TMEM131: variants seen among roughly 807,000 people sequenced by gnomAD.
TMEM131 encodes 2610524E03Rik.
TMEM131 carries 66 observed loss-of-function variants against 211.6 expected under a neutral mutation model. That is an observed-to-expected ratio of 0.31 (90% CI 0.26 to 0.38). TMEM131 has a LOEUF of 0.38. Ranked by LOEUF, TMEM131 falls within the 10% of genes least tolerant of loss-of-function variation. TMEM131 has a pLI of 1.00. For missense variants in TMEM131, 2,036 were observed against 2,299.3 expected, an observed-to-expected ratio of 0.89 and a Z score of 2.34; for synonymous variants, 844 against 841.3, an observed-to-expected ratio of 1.00 and a Z score of -0.06.
intron 1 of TMEM131, among the ~76,000 whole-genome samples, chr2:97,972,165 C>T (rs1679325871): frequency 6.6e-6 from 1 of 152,038 alleles, no homozygotes; most frequent in African/African-American, 2.4e-5. Flanking sequence ...CCGAGATCTG[C>T]CATTTCAGAA....
chr2:97,968,777 C>G (rs1679166290), intron 1 of TMEM131, among the ~76,000 whole-genome samples: 1 of 152,118 alleles, frequency 6.6e-6, no homozygotes, highest in African/African-American at 2.4e-5. Context: ...TAAGGCACAT[C>G]CTTCCCATCA....
intron 1 of TMEM131, among the ~76,000 whole-genome samples, chr2:97,963,714 C>G (rs1359866047): frequency 6.6e-6 from 1 of 152,158 alleles, no homozygotes; most frequent in Non-Finnish European, 1.5e-5. Context: ...AAAACTCCAT[C>G]TCAAAAAATA....
chr2:97,849,675 G>GTA (rs1396933578), intron 5 of TMEM131, among the ~76,000 whole-genome samples: 4 of 140,720 alleles, frequency 2.8e-5, no homozygotes, highest in East Asian at 2.1e-4. Flanking sequence ...GTGTGTCTAT[G>GTA]TATATATATG....
chr2:97,929,958 T>C (rs1299194341), intron 1 of TMEM131, among the ~76,000 whole-genome samples: 1 of 151,782 alleles, frequency 6.6e-6, no homozygotes, highest in East Asian at 1.9e-4. Flanking sequence ...AGTAAAGTGA[T>C]AAACTCATTA....
intron 4 of TMEM131, among the ~76,000 whole-genome samples, chr2:97,869,557 A>ACAT (rs1674408256): frequency 6.6e-6 from 1 of 152,232 alleles, no homozygotes. Context: ...GTCAGGAAGG[A>ACAT]CATCAGCAGG....
chr2:97,980,196 T>C lies in TMEM131; in HGVS notation c.187+15280A>G, dbSNP rs1679725128. On this transcript the variant is annotated intron_variant, in intron 1 of 40. Transcript: ENST00000186436. ...CAGATTACCATTACAGATTTAATAC[T>C]GAAAAAGCCTGAAATATTGTGAGAC... 2.6e-5 allele frequency among the ~76,000 whole-genome samples: 4 copies of C among 152,240 alleles called. No individual in the cohort carries two copies. The Middle Eastern group carries it at 0.01, about 391-fold the overall frequency.
chr2:97,878,331 C>T (rs957236452), intron 4 of TMEM131, among the ~76,000 whole-genome samples: 2 of 152,126 alleles, frequency 1.3e-5, no homozygotes, highest in African/African-American at 4.8e-5. Flanking sequence ...ACCATTTGAC[C>T]CAGCAATCTC....
At position 97,903,769 on chromosome 2, in the gene TMEM131, C is replaced by T. The variant is rs148357200; in HGVS notation, c.290+4889G>A. On this transcript the variant is annotated intron_variant, in intron 3 of 40. Transcript: ENST00000186436. ...CGCAATCTCGGCTCAATGCAACTTCCGCCTCCCGGGTTCAAGCAATTCTCC... is the reference window on the plus strand; with the variant it reads ...CGCAATCTCGGCTCAATGCAACTTCTGCCTCCCGGGTTCAAGCAATTCTCC... Among the ~76,000 whole-genome samples the T allele has an allele frequency of 5.9e-5, 9 of 152,130 alleles. No individual in the cohort carries two copies. In the East Asian group the frequency reaches 9.7e-4, roughly 16 times the overall value.
chr2:97,990,045 G>C (rs1001568855), intron 1 of TMEM131, among the ~76,000 whole-genome samples: 1 of 152,198 alleles, frequency 6.6e-6, no homozygotes, highest in Non-Finnish European at 1.5e-5. Context: ...GCCAGCTTCT[G>C]AGAATATTCC....
At chr2:97,825,957 T>C (rs1394124281) in intron 11 of TMEM131, among the ~76,000 whole-genome samples, 1 of 152,228 alleles carries the variant, frequency 6.6e-6, no homozygotes, top group Non-Finnish European at 1.5e-5. Context: ...ATGCTACTCC[T>C]TGAGCAACCG....
chr2:97,980,515 A>T (rs1679740400), intron 1 of TMEM131, among the ~76,000 whole-genome samples: 2 of 152,230 alleles, frequency 1.3e-5, no homozygotes, highest in South Asian at 4.1e-4. Flanking sequence ...AAAACAGGTT[A>T]GCAGTTTCTT....
chr2:97,835,363 T>C lies in TMEM131; in HGVS notation c.805-438A>G, dbSNP rs562655649. ...AGAAGTCCACAAGAACCTTCATAAA[T>C]GATAACCAGCAGGGCTTACACTGCT... On this transcript the variant is annotated intron_variant, in intron 8 of 40. Coordinates refer to ENST00000186436, the MANE Select transcript of TMEM131 (RefSeq NM_015348.2). 2.6e-5 allele frequency among the ~76,000 whole-genome samples: 4 copies of C among 152,300 alleles called. No individual in the cohort carries two copies. The East Asian group carries it at 7.7e-4, about 29-fold the overall frequency.
At chr2:97,859,628 A>G (rs1673984247) in intron 4 of TMEM131, among the ~76,000 whole-genome samples, 1 of 152,234 alleles carries the variant, frequency 6.6e-6, no homozygotes, top group Non-Finnish European at 1.5e-5. Flanking sequence ...TATGTCACGT[A>G]CAGTGCCAGG....
intron 11 of TMEM131, among the ~76,000 whole-genome samples, chr2:97,832,965 T>C (rs1273005437): frequency 2.0e-5 from 3 of 152,194 alleles, no homozygotes; most frequent in Non-Finnish European, 4.4e-5. Context: ...TTTTTGCTTA[T>C]TTTCTTCCCA....
intron 1 of TMEM131, among the ~76,000 whole-genome samples, chr2:97,988,741 C>G (rs1227019277): frequency 2.6e-5 from 4 of 151,926 alleles, no homozygotes; most frequent in Non-Finnish European, 5.9e-5. Flanking sequence ...ACACCACTAT[C>G]AAAACAAAAC....
intron 31 of TMEM131, among the ~76,000 whole-genome samples, chr2:97,777,730 G>A (rs576893743): frequency 1.4e-4 from 22 of 152,272 alleles, no homozygotes; most frequent in African/African-American, 5.3e-4. Flanking sequence ...GGGGCATCTC[G>A]TTTCAAGCAT....
intron 31 of TMEM131, among the ~76,000 whole-genome samples, chr2:97,787,940 T>A (rs1045294672): frequency 6.6e-6 from 1 of 152,162 alleles, no homozygotes; most frequent in African/African-American, 2.4e-5. Flanking sequence ...GCTCCCACCA[T>A]CCTCGAAATT....
intron 1 of TMEM131, among the ~76,000 whole-genome samples, chr2:97,970,743 G>A (rs1214060955): frequency 6.6e-6 from 1 of 152,138 alleles, no homozygotes. Context: ...ACAAAGTGCT[G>A]AGTGCTATGG....
chr2:97,919,087 G>A (rs1239669888), intron 2 of TMEM131, among the ~76,000 whole-genome samples: 1 of 152,108 alleles, frequency 6.6e-6, no homozygotes, highest in African/African-American at 2.4e-5. Context: ...CAAAAGAAAC[G>A]TTCCAAAACT....
Sources: gnomAD v4.1 joint callset for allele counts (sites outside exome capture counted in the v4.1 genomes callset) on GRCh38, gnomAD v4.1.1 for gene constraint, MANE v1.5 for transcripts, NCBI Gene and HGNC (gene_info 2026-07-23, HGNC 2026-07-21) for gene names.